Variants in TNFSF10 observed in about 807,000 individuals in gnomAD.
The protein encoded by TNFSF10 is TNF superfamily member 10, also known as tumor necrosis factor ligand superfamily member 10.
TNFSF10 carries 13 observed loss-of-function variants against 29.5 expected under a neutral mutation model. That is an observed-to-expected ratio of 0.44 (90% confidence interval 0.29 to 0.70). The LOEUF is 0.70. Among genes scored for constraint, TNFSF10 ranks in the 30% least tolerant of loss-of-function variants. The probability of loss-of-function intolerance (pLI) is 0.13; values close to 1 mark genes in which losing one functional copy is unlikely to be tolerated. For synonymous variants in TNFSF10, 111 were observed against 112.8 expected (o/e 0.98, Z 0.10); for missense variants, 345 against 330.9 (o/e 1.04, Z -0.33).
chr3:172,516,297 C>G (rs1174687551), intron 1 of TNFSF10, among the ~76,000 whole-genome samples: 1 of 151,884 alleles, frequency 6.6e-6, no homozygotes, highest in Admixed American at 6.6e-5. Context: ...AATTGACTAC[C>G]TAGGGAAATA....
Position 172,506,486 on chromosome 3 carries a change from G to C in TNFSF10, c.*6C>G, listed in dbSNP as rs576582529. The stretch of plus-strand genomic sequence containing the variant: ...TTGAGGTTATTGCTTTTTCTTTCCA[G>C]GTCAGTTAGCCAACTAAAAAGGCCC... On this transcript the variant is annotated 3_prime_UTR_variant, in exon 5 of 5. Transcript: ENST00000241261. 3.6e-5 allele frequency: 57 copies of C among 1,593,056 alleles called. 1 individual carries two copies. In the South Asian group the frequency reaches 5.3e-4, roughly 15 times the overall value.
In TNFSF10 at chr3:172,506,664, C is replaced by G; in HGVS notation, c.674G>C (p.Ser225Thr). 5.0e-6 allele frequency: 8 copies of G among 1,614,176 alleles called. No individual in the cohort carries two copies. The highest frequency in any genetic ancestry group is 6.8e-6 in the Non-Finnish European group (8 of 1,180,030). The change falls in exon 5 of 5, where the codon AGT becomes ACT. Residue 225 changes from serine (S) to threonine (T), a missense_variant. Transcript: ENST00000241261. ...TTTAGACCAACAACTATTTCTAGCA[C>G]TTTTCATCAACAATATAGGGTCAGG... The part of the protein sequence containing the change: ...SYPDPILLMK[S>T]ARNSCWSKDA...
intron 1 of TNFSF10, among the ~76,000 whole-genome samples, chr3:172,520,086 C>A (rs139473223): frequency 1.3e-5 from 2 of 152,146 alleles, no homozygotes; most frequent in Non-Finnish European, 2.9e-5. Context: ...GAGGATCTGA[C>A]GTTCCTTGCA....
chr3:172,516,045 A>G (rs1365773517), intron 1 of TNFSF10, among the ~76,000 whole-genome samples: 3 of 152,110 alleles, frequency 2.0e-5, no homozygotes, highest in Non-Finnish European at 4.4e-5. Context: ...GGTGAATCAC[A>G]AAGTCAGGAG....
chr3:172,506,506 A>G lies in TNFSF10; in HGVS notation c.832T>C (p.Phe278Leu). The G allele has an allele frequency of 6.2e-7, 1 of 1,603,768 alleles. No homozygotes were observed. The highest frequency in any genetic ancestry group is 8.5e-7 in the Non-Finnish European group (1 of 1,176,696). ...TTCCAGGTCAGTTAGCCAACTAAAAAGGCCCCAAAAAAACTGGCTTCATGG... is the reference window on the plus strand; with the variant it reads ...TTCCAGGTCAGTTAGCCAACTAAAAGGGCCCCAAAAAAACTGGCTTCATGG... ...MDHEASFFGA[F>L]LVG The change falls in exon 5 of 5, where the codon TTT becomes CTT. Residue 278 changes from phenylalanine (F) to leucine (L), a missense_variant. Coordinates refer to ENST00000241261, the MANE Select transcript of TNFSF10 (RefSeq NM_003810.4).
chr3:172,514,422 A>G (rs1713349476), intron 2 of TNFSF10, among the ~76,000 whole-genome samples: 1 of 151,982 alleles, frequency 6.6e-6, no homozygotes, highest in Non-Finnish European at 1.5e-5. Flanking sequence ...TTATCTCTAT[A>G]TGCATACAAA....
intron 1 of TNFSF10, among the ~76,000 whole-genome samples, chr3:172,516,699 CT>C (rs1172246808): frequency 1.3e-5 from 2 of 152,196 alleles, no homozygotes; most frequent in Non-Finnish European, 2.9e-5. Context: ...TGAGATATGA[CT>C]GGCCATGGAC....
At chr3:172,516,981 A>T (rs1363282471) in intron 1 of TNFSF10, among the ~76,000 whole-genome samples, 3 of 152,238 alleles carry the variant, frequency 2.0e-5, no homozygotes. Context: ...GCTCTGGCCA[A>T]GCTTCGGTTT....
In TNFSF10 at chr3:172,506,229, T is replaced by C. The variant is rs1328188546; in HGVS notation, c.*263A>G. 2.5e-6 allele frequency: 1 copy of C among 399,986 alleles called. No individual in the cohort carries two copies. The highest frequency in any genetic ancestry group is 4.4e-6 in the Non-Finnish European group (1 of 225,234). The allele number at this position is 399,986 out of a possible 1,614,324, so 24.8% of individuals were successfully genotyped here. ...TTGGAAGCTGACAGTCTTCTAGATT[T>C]CTGCTAGCAAACTGATATGAGGTAG... is the stretch of plus-strand genomic sequence containing the variant. On this transcript the variant is annotated 3_prime_UTR_variant, in exon 5 of 5. Coordinates refer to ENST00000241261, the MANE Select transcript of TNFSF10 (RefSeq NM_003810.4).
intron 1 of TNFSF10, among the ~76,000 whole-genome samples, chr3:172,518,961 A>G (rs1312690111): frequency 1.3e-5 from 2 of 152,208 alleles, no homozygotes; most frequent in Non-Finnish European, 2.9e-5. Flanking sequence ...AGGTGCTTCA[A>G]TTTATTGAGT....
intron 1 of TNFSF10, among the ~76,000 whole-genome samples, chr3:172,521,244 T>A (rs764913535): frequency 2.6e-5 from 4 of 152,068 alleles, no homozygotes; most frequent in Non-Finnish European, 5.9e-5. Flanking sequence ...GAAGAAACTA[T>A]CATCAGAGTG....
chr3:172,518,386 C>T, intron 1 of TNFSF10: 1 of 1,288,724 alleles, frequency 7.8e-7, no homozygotes, highest in Non-Finnish European at 1.0e-6. Context: ...AGGGTAGACT[C>T]AGCAAGGTAG....
intron 2 of TNFSF10, among the ~76,000 whole-genome samples, chr3:172,514,156 C>T (rs972538410): frequency 2.6e-5 from 4 of 152,096 alleles, no homozygotes; most frequent in Non-Finnish European, 4.4e-5. Flanking sequence ...TTATTTAATG[C>T]CATCTTATAA....
At chr3:172,518,097 C>G (rs1713515831) in intron 1 of TNFSF10, 12 of 1,012,850 alleles carry the variant, frequency 1.2e-5, no homozygotes, top group Non-Finnish European at 1.4e-5. Context: ...CCCATCCTTT[C>G]CACTTCAAAA....
chr3:172,506,169 A>G lies in TNFSF10; in HGVS notation c.*323T>C, dbSNP rs980312645. On this transcript the variant is annotated 3_prime_UTR_variant, in exon 5 of 5. Coordinates refer to ENST00000241261, the MANE Select transcript of TNFSF10 (RefSeq NM_003810.4). The stretch of plus-strand genomic sequence containing the variant: ...CTACAGTCTTTACAAGGAGTAGATT[A>G]TAAAGACAGAAGATGTTAACCATTG... 21 of 250,276 alleles carry G rather than the reference A, an allele frequency of 8.4e-5. No homozygotes were observed. Among genetic ancestry groups the G allele is most frequent in the African/African-American group, 4.3e-4 (19 of 43,904 alleles). 15.5% of individuals were successfully genotyped at this position (250,276 alleles called of 1,614,324 possible). A position where few individuals can be genotyped will look rare whatever the true frequency, so the allele number is the denominator to read the frequency against.
rs912292428 is a variant in TNFSF10, at chr3:172,521,963, A to G, written c.132+1290T>C. 2.0e-5 allele frequency among the ~76,000 whole-genome samples: 3 copies of G among 151,562 alleles called. No homozygotes were observed. The East Asian group carries it at 5.8e-4, about 30-fold the overall frequency. ...ACAGGAACAGAAAACCAAACACTGCATGTTCTCACTCATAAGTGGGAGTTG... is the reference window on the plus strand; with the variant it reads ...ACAGGAACAGAAAACCAAACACTGCGTGTTCTCACTCATAAGTGGGAGTTG... On this transcript the variant is annotated intron_variant, in intron 1 of 4. Transcript: ENST00000241261.
intron 2 of TNFSF10, among the ~76,000 whole-genome samples, chr3:172,514,486 T>C (rs766613484): frequency 6.6e-6 from 1 of 152,192 alleles, no homozygotes; most frequent in Non-Finnish European, 1.5e-5. Context: ...AAAATATCAT[T>C]ATTTGATCTT....
chr3:172,514,773 A>C (rs1713361368), intron 2 of TNFSF10, 88 bp downstream of exon 2: 1 of 1,520,734 alleles, frequency 6.6e-7, no homozygotes, highest in African/African-American at 1.4e-5. Flanking sequence ...AAGAGTCTAG[A>C]CTTGATTATC....
At chr3:172,515,455 TA>T (rs781105424) in intron 1 of TNFSF10, among the ~76,000 whole-genome samples, 4 of 152,146 alleles carry the variant, frequency 2.6e-5, no homozygotes, top group Non-Finnish European at 4.4e-5. Flanking sequence ...GGATCCTAAA[TA>T]AAAAACAGCC....
Sources: gnomAD v4.1 joint callset for allele counts (sites outside exome capture counted in the v4.1 genomes callset) on GRCh38, gnomAD v4.1.1 for gene constraint, MANE v1.5 for transcripts, NCBI Gene and HGNC (gene_info 2026-07-23, HGNC 2026-07-21) for gene names.